The following AFF3 variants were observed in gnomAD, a reference collection of about 807,000 sequenced individuals.
The protein encoded by AFF3 is ALF transcription elongation factor 3.
A neutral mutation model predicts 129.7 loss-of-function variants in AFF3; 32 were observed. The ratio of observed to expected loss-of-function variants is 0.25; its 90% CI spans 0.19 to 0.33. AFF3 has a LOEUF of 0.33. AFF3 is among the 10% of genes least tolerant of loss of function. The pLI, the probability that AFF3 is intolerant of heterozygous loss-of-function variation, is 1.00. For missense variants in AFF3, 1,373 were observed against 1,592.0 expected (o/e 0.86, Z 2.34); for synonymous variants, 644 against 635.4 (o/e 1.01, Z -0.20).
At position 100,007,008 on chromosome 2, in the gene AFF3, C is replaced by A; in HGVS notation, c.497G>T (p.Gly166Val). ...SDGQQRATQQGSLRTLLGDGV... is the reference protein window; with the variant it reads ...SDGQQRATQQVSLRTLLGDGV... ...ATCTCCAAGCAAGGTCCTGAGAGAG[C>A]CCTGTTGTGCTGAGTTGGAAGAAGA... Residue 166 changes from glycine (G) to valine (V), a missense_variant, in exon 7 of 25, where the codon GGC (glycine) becomes GTC (valine). By Grantham distance (109) the Gly-to-Val change is moderately radical. Coordinates refer to ENST00000672756, the MANE Select transcript of AFF3 (RefSeq NM_001386135.1). The A allele has an allele frequency of 6.2e-7, 1 of 1,607,000 alleles. No homozygotes were observed. Among genetic ancestry groups the A allele is most frequent in the Non-Finnish European group, 8.5e-7 (1 of 1,175,518 alleles).
chr2:99,922,107 T>TA lies in AFF3; in HGVS notation c.873+84524dup, dbSNP rs1463326026. 3.9e-5 allele frequency among the ~76,000 whole-genome samples: 6 copies of TA among 152,146 alleles called. No homozygotes were observed. The East Asian group carries it at 5.8e-4, about 15-fold the overall frequency. The stretch of plus-strand genomic sequence containing the variant: ...TAACGATATGGAGTAACTGGAACTC[T>TA]AAAAAACCGCTGACTAAGTATGTAA... On this transcript the variant is annotated intron_variant, in intron 7 of 24. Coordinates refer to ENST00000672756, the MANE Select transcript of AFF3 (RefSeq NM_001386135.1).
chr2:100,063,435 G>C (rs1327847892), intron 4 of AFF3, among the ~76,000 whole-genome samples: 1 of 151,708 alleles, frequency 6.6e-6, no homozygotes, highest in African/African-American at 2.4e-5. Context: ...TAAATGACAA[G>C]GAAGATTTTA....
chr2:99,814,353 A>G (rs1054960743), intron 8 of AFF3, among the ~76,000 whole-genome samples: 1 of 152,124 alleles, frequency 6.6e-6, no homozygotes, highest in Non-Finnish European at 1.5e-5. Flanking sequence ...GGCCTGAGAT[A>G]TAGCACAGAA....
chr2:99,550,827 T>C lies in AFF3; in HGVS notation c.*647A>G, dbSNP rs981079827. On this transcript the variant is annotated 3_prime_UTR_variant, in exon 25 of 25. Coordinates refer to ENST00000672756, the MANE Select transcript of AFF3 (RefSeq NM_001386135.1). ...GCATTTAGTTGATAATAGAGTCAGA[T>C]GGGGGAAGGGAATTAGAGGAAGAGC... is the stretch of plus-strand genomic sequence containing the variant. 8.5e-6 allele frequency: 2 copies of C among 235,762 alleles called. No individual in the cohort carries two copies. The highest frequency in any genetic ancestry group is 1.7e-5 in the Non-Finnish European group (2 of 119,892). 14.6% of individuals were successfully genotyped at this position (235,762 alleles called of 1,614,324 possible). A position where few individuals can be genotyped will look rare whatever the true frequency, so the allele number is the denominator to read the frequency against.
At chr2:100,080,267 G>C (rs897316522) in intron 4 of AFF3, among the ~76,000 whole-genome samples, 1 of 152,084 alleles carries the variant, frequency 6.6e-6, no homozygotes, top group Admixed American at 6.6e-5. Flanking sequence ...GTTATTATGA[G>C]GACTAGAGAG....
At chr2:99,595,481 T>C in intron 14 of AFF3, among the ~76,000 whole-genome samples, 1 of 152,118 alleles carries the variant, frequency 6.6e-6, no homozygotes, top group East Asian at 1.9e-4. Context: ...TCAAGCTTGA[T>C]CAGTTCAAGT....
At chr2:99,811,943 C>G (rs1157908174) in intron 8 of AFF3, among the ~76,000 whole-genome samples, 1 of 152,190 alleles carries the variant, frequency 6.6e-6, no homozygotes, top group African/African-American at 2.4e-5. Context: ...TGAGAACTTT[C>G]ATTAAAATAT....
intron 7 of AFF3, among the ~76,000 whole-genome samples, chr2:99,999,274 T>C (rs1027734269): frequency 9.9e-5 from 15 of 152,208 alleles, no homozygotes; most frequent in Non-Finnish European, 2.2e-4. Flanking sequence ...CAGCTATAAA[T>C]TATATGTTGG....
rs929010896 is a variant in AFF3, at chr2:99,545,560, A to C, written c.*5914T>G. The stretch of plus-strand genomic sequence containing the variant: ...ATGGGTAAAAAAAACAAAACAAAAC[A>C]AAACCCAAGTCCCTGATTCAGCTTT... On this transcript the variant is annotated 3_prime_UTR_variant, in exon 25 of 25. Coordinates refer to ENST00000672756, the MANE Select transcript of AFF3 (RefSeq NM_001386135.1). The C allele has an allele frequency of 4.6e-5, 7 of 152,732 alleles. No individual in the cohort carries two copies. The South Asian group carries it at 1.0e-3, about 23-fold the overall frequency. The allele number at this position is 152,732 out of a possible 1,614,324, so 9.5% of individuals were successfully genotyped here. A position where few individuals can be genotyped will look rare whatever the true frequency, so the allele number is the denominator to read the frequency against.
At chr2:99,814,371 C>A (rs1210228270) in intron 8 of AFF3, among the ~76,000 whole-genome samples, 1 of 152,068 alleles carries the variant, frequency 6.6e-6, no homozygotes, top group Non-Finnish European at 1.5e-5. Flanking sequence ...GAAGGGTATA[C>A]TGGATGTGAA....
At chr2:99,891,597 C>G (rs1693556423) in intron 7 of AFF3, among the ~76,000 whole-genome samples, 1 of 152,182 alleles carries the variant, frequency 6.6e-6, no homozygotes, top group Non-Finnish European at 1.5e-5. Context: ...GAGCTTTCCA[C>G]TTTGGTCCTG....
chr2:99,752,427 G>T, intron 8 of AFF3, 126 bp from the exon 9 acceptor site: 2 of 659,898 alleles, frequency 3.0e-6, no homozygotes, highest in African/African-American at 1.8e-5. Flanking sequence ...TACAAAGGCT[G>T]AAAGAATTTT....
intron 7 of AFF3, among the ~76,000 whole-genome samples, chr2:99,979,749 C>G (rs977374051): frequency 6.6e-6 from 1 of 152,176 alleles, no homozygotes; most frequent in Non-Finnish European, 1.5e-5. Context: ...TCCCAAAGCA[C>G]TGGGATTATA....
chr2:99,577,975 A>G (rs1677154303), intron 18 of AFF3, among the ~76,000 whole-genome samples: 1 of 152,246 alleles, frequency 6.6e-6, no homozygotes, highest in Non-Finnish European at 1.5e-5. Context: ...TAATTTACAA[A>G]AACAACAATG....
intron 7 of AFF3, among the ~76,000 whole-genome samples, chr2:99,905,947 C>G (rs911297511): frequency 6.6e-6 from 1 of 151,934 alleles, no homozygotes; most frequent in Non-Finnish European, 1.5e-5. Flanking sequence ...TTGATAAATA[C>G]GCTGATAATC....
At chr2:100,001,339 C>T (rs2104684764) in intron 7 of AFF3, among the ~76,000 whole-genome samples, 2 of 152,340 alleles carry the variant, frequency 1.3e-5, no homozygotes, top group South Asian at 4.1e-4. Context: ...TTTTAACGCA[C>T]TTTCTTCAAA....
At chr2:99,629,000 G>C (rs1682874015) in intron 13 of AFF3, among the ~76,000 whole-genome samples, 1 of 152,104 alleles carries the variant, frequency 6.6e-6, no homozygotes, top group Non-Finnish European at 1.5e-5. Context: ...GGGACTACAG[G>C]TGTGAGCTAC....
intron 7 of AFF3, among the ~76,000 whole-genome samples, chr2:99,872,400 C>T (rs905977831): frequency 6.6e-6 from 1 of 151,758 alleles, no homozygotes; most frequent in Admixed American, 6.6e-5. Flanking sequence ...GAGACAAGCA[C>T]TGAGAAAGAC....
At chr2:99,707,950 G>A (rs900189449) in intron 11 of AFF3, among the ~76,000 whole-genome samples, 3 of 151,952 alleles carry the variant, frequency 2.0e-5, no homozygotes, top group Non-Finnish European at 4.4e-5. Flanking sequence ...TTTAAAGTCC[G>A]GTTGGTGGAC....
Sources: gnomAD v4.1 joint callset for allele counts (sites outside exome capture counted in the v4.1 genomes callset) on GRCh38, gnomAD v4.1.1 for gene constraint, MANE v1.5 for transcripts, NCBI Gene and HGNC (gene_info 2026-07-23, HGNC 2026-07-21) for gene names.